Variants in CDCP1 observed in about 807,000 individuals in gnomAD.
The protein encoded by CDCP1 is CUB domain-containing protein 1.
CDCP1 carries 29 observed loss-of-function variants against 60.2 expected under a neutral mutation model. The ratio of observed to expected loss-of-function variants is 0.48; its 90% confidence interval spans 0.36 to 0.66. The LOEUF is 0.66. CDCP1 is among the 30% of genes least tolerant of loss of function. CDCP1 has a pLI of 0.00. For synonymous variants in CDCP1, 387 were observed against 431.1 expected (o/e 0.90, Z 1.27); for missense variants, 876 against 1,074.3 (o/e 0.82, Z 2.58).
rs775065933 is a variant in CDCP1 at position 45,089,149 on chromosome 3, CAGAGACATAA to C, written c.1994-18_1994-9del. 6.2e-7 allele frequency: 1 copy of C among 1,612,642 alleles called. No individual in the cohort carries two copies. Among genetic ancestry groups the C allele is most frequent in the South Asian group, 1.1e-5 (1 of 90,928 alleles). On this transcript the variant is annotated splice_polypyrimidine_tract_variant and intron_variant, in intron 7 of 8. Coordinates refer to ENST00000296129, the MANE Select transcript of CDCP1 (RefSeq NM_022842.5). The stretch of plus-strand genomic sequence containing the variant: ...TGAGGATGACAGTCAAGTCTGTGAG[CAGAGACATAA>C]AGAGACAGATGAAGAGGCAGCTGGG...
intron 1 of CDCP1, 89 bp from the exon 2 acceptor site, chr3:45,118,710 TGTCCTCTATGACAAC>T (rs1698834592): frequency 2.1e-6 from 2 of 971,528 alleles, no homozygotes; most frequent in South Asian, 2.9e-5. Flanking sequence ...TCAGAGAGGA[TGTCCTCTATGACAAC>T]TTTGTTCCTT....
intron 1 of CDCP1, among the ~76,000 whole-genome samples, chr3:45,124,877 T>C (rs1698950556): frequency 6.6e-6 from 1 of 152,186 alleles, no homozygotes; most frequent in Admixed American, 6.6e-5. Context: ...ATTGCAATGA[T>C]TTCTCCCAAC....
In CDCP1 at chr3:45,091,374, C is replaced by A; in HGVS notation, c.1792G>T (p.Val598Phe). 6.2e-7 allele frequency: 1 copy of A among 1,614,166 alleles called. No homozygotes were observed. ...ATGAATGCGCGCCCTGTCTGGCAGA[C>A]CACGCCGCTCCGCTCCTTAAAGAAA... ...LTFFKERSGV[V>F]CQTGRAFMII... Residue 598 changes from valine (V) to phenylalanine (F), a missense_variant, in exon 7 of 9, where the codon GTC (valine) becomes TTC (phenylalanine). Coordinates refer to ENST00000296129, the MANE Select transcript of CDCP1 (RefSeq NM_022842.5). This position sits in a 1 kb window ranked among gnomAD's most constrained non-coding sequence, Gnocchi z 4.8.
chr3:45,095,702 G>A, intron 4 of CDCP1, 134 bp from the exon 5 acceptor site: 4 of 657,302 alleles, frequency 6.1e-6, no homozygotes, highest in East Asian at 2.7e-5. Context: ...TTGGGAAAAC[G>A]TATTATTAAG....
At chr3:45,094,847 G>A (rs923248493) in intron 5 of CDCP1, among the ~76,000 whole-genome samples, 6 of 152,086 alleles carry the variant, frequency 3.9e-5, no homozygotes, top group Non-Finnish European at 7.4e-5. Context: ...AGTTCTGAGG[G>A]CTGCAGGCTC....
chr3:45,112,553 A>T (rs754311868), intron 2 of CDCP1, 108 bp from the exon 3 acceptor site: 3 of 1,492,380 alleles, frequency 2.0e-6, no homozygotes, highest in Non-Finnish European at 1.8e-6. Context: ...GGCTCCCCCA[A>T]GGTGGCCTTT....
At chr3:45,112,588 A>G (rs6779301) in intron 2 of CDCP1, 143 bp from the exon 3 acceptor site, 303,620 of 1,137,088 alleles carry the variant, frequency 0.27, 45,471 homozygotes, top group Non-Finnish European at 0.31. Flanking sequence ...CCCAGGCCCC[A>G]ACTGCTGTGA....
intron 1 of CDCP1, among the ~76,000 whole-genome samples, chr3:45,126,182 C>A (rs924618792): frequency 1.9e-5 from 2 of 102,720 alleles, no homozygotes; most frequent in African/African-American, 8.1e-5. Flanking sequence ...TTCCTTCTTT[C>A]TCTCTCTCTC....
chr3:45,115,941 T>G (rs947308737), intron 2 of CDCP1, among the ~76,000 whole-genome samples: 1 of 152,220 alleles, frequency 6.6e-6, no homozygotes, highest in Admixed American at 6.5e-5. Context: ...AAGTCTTCTC[T>G]TTTGTCTTTC....
At chr3:45,130,593 C>T (rs1699074282) in intron 1 of CDCP1, among the ~76,000 whole-genome samples, 1 of 152,202 alleles carries the variant, frequency 6.6e-6, no homozygotes, top group Non-Finnish European at 1.5e-5. Context: ...ATGGTTCAGT[C>T]TCTGCCCTCA....
chr3:45,085,872 C>T lies in CDCP1; in HGVS notation c.2277G>A (p.Val759=). ...DSSGSFLQPE[V]DTYRPFQGTM... ...TGCCCTGGAACGGCCGGTAGGTGTC[C>T]ACCTCTGGCTGCAGGAAGGAGCCGC... is the stretch of plus-strand genomic sequence containing the variant. Residue 759 remains valine, a synonymous_variant, in exon 9 of 9, where the codon GTG becomes GTA. Coordinates refer to ENST00000296129, the MANE Select transcript of CDCP1 (RefSeq NM_022842.5). This position sits in a 1 kb window ranked among gnomAD's most constrained non-coding sequence, Gnocchi z 4.2. 6.2e-7 allele frequency: 1 copy of T among 1,614,126 alleles called. No homozygotes were observed. The highest frequency in any genetic ancestry group is 8.5e-7 in the Non-Finnish European group (1 of 1,180,024).
rs546867314 is a variant in CDCP1 at position 45,137,738 on chromosome 3, G to A, written c.82+8468C>T. Among the ~76,000 whole-genome samples, 6 of 150,972 alleles carry A rather than the reference G, an allele frequency of 4.0e-5. 1 individual carries two copies. Among genetic ancestry groups the A allele is most frequent in the South Asian group, 4.2e-4 (2 of 4,762 alleles). On this transcript the variant is annotated intron_variant, in intron 1 of 8. Transcript: ENST00000296129. ...GGGAGGCTGAGGTAGCAGAATTGCC[G>A]GAACCTGGGAGGCAGAGGCTGCAGT...
At chr3:45,098,242 A>G (rs1445945921) in intron 4 of CDCP1, among the ~76,000 whole-genome samples, 1 of 152,102 alleles carries the variant, frequency 6.6e-6, no homozygotes, top group Non-Finnish European at 1.5e-5. Flanking sequence ...CCTGTCACCC[A>G]GGCTGGACTG....
chr3:45,087,262 C>T (rs982591051), intron 8 of CDCP1, among the ~76,000 whole-genome samples: 3 of 152,210 alleles, frequency 2.0e-5, no homozygotes, highest in Non-Finnish European at 4.4e-5. Flanking sequence ...TCCTCATTCT[C>T]ACTGCACAAC....
At chr3:45,086,613 G>A (rs77779567) in intron 8 of CDCP1, among the ~76,000 whole-genome samples, 10,900 of 152,318 alleles carry the variant, frequency 0.072, 450 homozygotes, top group Middle Eastern at 0.1. Context: ...AGTATGAGCT[G>A]GGGAGAGGAT....
intron 6 of CDCP1, 112 bp downstream of exon 6, chr3:45,093,165 A>G: frequency 1.6e-6 from 2 of 1,242,052 alleles, no homozygotes; most frequent in Non-Finnish European, 2.2e-6. Flanking sequence ...GGACCAGCAT[A>G]TTGAGCTATC....
At position 45,087,481 on chromosome 3, in the gene CDCP1, T is replaced by C. The variant is rs1214389796; in HGVS notation, c.2082-1414A>G. ...AACCTGGGGCCCAGTGTTAATGCCA[T>C]GCTTCCCCAACTGGGTGGGCTATTC... On this transcript the variant is annotated intron_variant, in intron 8 of 8. Transcript: ENST00000296129. Among the ~76,000 whole-genome samples the C allele has an allele frequency of 3.3e-5, 5 of 152,186 alleles. No homozygotes were observed. In the East Asian group the frequency reaches 7.7e-4, roughly 23 times the overall value.
chr3:45,146,131 C>T, intron 1 of CDCP1, 75 bp downstream of exon 1: 1 of 1,314,694 alleles, frequency 7.6e-7, no homozygotes. Flanking sequence ...GTCCCTCGGC[C>T]GCATCTCCGC....
chr3:45,096,037 A>C (rs1166551244), intron 4 of CDCP1, among the ~76,000 whole-genome samples: 1 of 152,112 alleles, frequency 6.6e-6, no homozygotes, highest in East Asian at 1.9e-4. Context: ...ACTGTATCCC[A>C]CTCCTCAGAT....
Sources: allele counts gnomAD v4.1 joint callset (sites outside exome capture counted in the v4.1 genomes callset), GRCh38; gene constraint gnomAD v4.1.1; non-coding constraint Gnocchi (gnomAD v3.1); transcripts MANE v1.5; gene names NCBI Gene and HGNC (gene_info 2026-07-23, HGNC 2026-07-21).